FIP1L1: variants seen among roughly 807,000 people sequenced by gnomAD.
FIP1L1 encodes factor interacting with PAPOLA and CPSF1.
A neutral mutation model predicts 84.6 loss-of-function variants in FIP1L1; 21 were observed. That is an observed-to-expected ratio of 0.25 (90% confidence interval 0.18 to 0.36). FIP1L1 has a LOEUF of 0.36. Ranked by LOEUF, FIP1L1 falls within the 10% of genes least tolerant of loss-of-function variation. The probability of loss-of-function intolerance (pLI) is 1.00; values close to 1 mark genes in which losing one functional copy is unlikely to be tolerated. For synonymous variants in FIP1L1, 263 were observed against 242.3 expected (o/e 1.09, Z -0.80); for missense variants, 526 against 751.1 (o/e 0.70, Z 3.50).
chr4:53,396,820 G>A (rs142140602), intron 9 of FIP1L1, among the ~76,000 whole-genome samples: 28 of 151,614 alleles, frequency 1.8e-4, no homozygotes, highest in Admixed American at 1.8e-3. Context: ...CAATTAATAG[G>A]CTTTCTTAGT....
At position 53,390,677 on chromosome 4, in the gene FIP1L1, C is replaced by G. The variant is rs77155086; in HGVS notation, c.505+49C>G. 2,224 of 1,310,512 alleles carry G rather than the reference C, an allele frequency of 1.7e-3. 26 individuals are homozygous for G. The African/African-American group carries it at 0.029, about 17-fold the overall frequency. 81.2% of individuals were successfully genotyped at this position (1,310,512 alleles called of 1,614,324 possible). On this transcript the variant is annotated intron_variant, in intron 7 of 17. Transcript: ENST00000337488. ...AATTTCAATATTTTCAGTGTGAAGTCATCAGAAAATTTTTTTGAACATCAA... is the reference window on the plus strand; with the variant it reads ...AATTTCAATATTTTCAGTGTGAAGTGATCAGAAAATTTTTTTGAACATCAA...
intron 3 of FIP1L1, among the ~76,000 whole-genome samples, chr4:53,380,724 T>C (rs189355238): frequency 3.4e-4 from 52 of 152,344 alleles, no homozygotes; most frequent in Non-Finnish European, 6.9e-4. Flanking sequence ...TTTTAAAATT[T>C]ATATATTCAA....
chr4:53,403,537 T>A (rs1661227198), intron 10 of FIP1L1, among the ~76,000 whole-genome samples: 1 of 152,228 alleles, frequency 6.6e-6, no homozygotes, highest in South Asian at 2.1e-4. Flanking sequence ...AATCCGTGCT[T>A]CGGATTTGAC....
intron 11 of FIP1L1, among the ~76,000 whole-genome samples, chr4:53,422,913 G>T (rs148415347): frequency 6.6e-6 from 1 of 151,922 alleles, no homozygotes; most frequent in Non-Finnish European, 1.5e-5. Flanking sequence ...ACAAAGTCTC[G>T]CCATGTTGCC....
chr4:53,403,099 T>C (rs6821777), intron 10 of FIP1L1, among the ~76,000 whole-genome samples: 148,757 of 152,274 alleles, frequency 0.98, 72,763 homozygotes, highest in Middle Eastern at 1. Flanking sequence ...TTTTTTGGAG[T>C]TCTGTGAATA....
At chr4:53,437,263 A>T (rs1769680722) in intron 13 of FIP1L1, among the ~76,000 whole-genome samples, 1 of 135,746 alleles carries the variant, frequency 7.4e-6, no homozygotes, top group Admixed American at 8.3e-5. Context: ...GGGGAGGCAG[A>T]GGTTGCAGTG....
chr4:53,420,261 TA>T (rs1156771306), intron 11 of FIP1L1, among the ~76,000 whole-genome samples: 32 of 91,292 alleles, frequency 3.5e-4, no homozygotes, highest in African/African-American at 5.5e-4. Flanking sequence ...CTGTCTCTAC[TA>T]AAAAAAAAAT....
At chr4:53,412,422 TGTCACGC>T (rs1299700632) in intron 10 of FIP1L1, among the ~76,000 whole-genome samples, 1 of 152,128 alleles carries the variant, frequency 6.6e-6, no homozygotes, top group African/African-American at 2.4e-5. Flanking sequence ...CTTAATCCAG[TGTCACGC>T]GTTAAATTTA....
Position 53,389,867 on chromosome 4 carries a change from A to G in FIP1L1, c.391A>G (p.Thr131Ala). 2 of 1,601,750 alleles carry G rather than the reference A, an allele frequency of 1.2e-6. No homozygotes were observed. Among genetic ancestry groups the G allele is most frequent in the South Asian group, 1.1e-5 (1 of 88,214 alleles). ...NIKTGGRVYG[T>A]TGTKVKGVDL... ...CAAGACAGGGGGAAGAGTTTATGGA[A>G]CTACAGGTAAAATTTGTATTTTCTG... The change falls in exon 6 of 18, where the codon ACT becomes GCT. Residue 131 changes from threonine (T) to alanine (A), a missense_variant. This residue lies in a region of FIP1L1 where 169 missense variants were observed against 206.9 expected (regional missense o/e 0.82). Transcript: ENST00000337488.
At chr4:53,453,476 A>G (rs1221211301) in intron 16 of FIP1L1, among the ~76,000 whole-genome samples, 1 of 152,122 alleles carries the variant, frequency 6.6e-6, no homozygotes, top group Middle Eastern at 3.2e-3. Context: ...CACCACTTCT[A>G]TTATTATTCT....
chr4:53,382,217 A>C (rs1452779297), intron 3 of FIP1L1, 61 bp from the exon 4 acceptor site: 7 of 1,164,292 alleles, frequency 6.0e-6, no homozygotes, highest in Non-Finnish European at 9.0e-6. Flanking sequence ...ATACTAATAT[A>C]ATCTATCTGT....
chr4:53,449,084 C>T (rs1187108387), intron 15 of FIP1L1, among the ~76,000 whole-genome samples: 2 of 151,608 alleles, frequency 1.3e-5, no homozygotes, highest in Admixed American at 6.6e-5. Flanking sequence ...TTTTCAGATC[C>T]TTGTTTGTCC....
intron 16 of FIP1L1, among the ~76,000 whole-genome samples, chr4:53,455,082 T>C (rs1301951362): frequency 6.6e-6 from 1 of 152,174 alleles, no homozygotes; most frequent in Non-Finnish European, 1.5e-5. Context: ...CCCTCACCTA[T>C]CTCTGTCTTC....
intron 15 of FIP1L1, among the ~76,000 whole-genome samples, chr4:53,445,856 C>G (rs1376356820): frequency 6.6e-6 from 1 of 152,162 alleles, no homozygotes; most frequent in East Asian, 1.9e-4. Flanking sequence ...CTACCTTCAG[C>G]TCAAAATAAT....
chr4:53,458,881 ATGAACCAGTCTT>A, intron 17 of FIP1L1, 91 bp downstream of exon 17: 1 of 1,416,514 alleles, frequency 7.1e-7, no homozygotes, highest in South Asian at 1.5e-5. Context: ...ATTTTGGCCT[ATGAACCAGTCTT>A]GCTTGGTTTC....
At position 53,384,356 on chromosome 4, in the gene FIP1L1, C is replaced by T. The variant is rs1311046241; in HGVS notation, c.332+480C>T. Among the ~76,000 whole-genome samples the T allele has an allele frequency of 2.0e-5, 3 of 151,946 alleles. No individual in the cohort carries two copies. In the South Asian group the frequency reaches 6.2e-4, roughly 32 times the overall value. ...CCTGGGAGGTGGAGGTTGCGGTGAA[C>T]CCAGATCGAGCCACTGTACTCCAGC... On this transcript the variant is annotated intron_variant, in intron 5 of 17. Coordinates refer to ENST00000337488, the MANE Select transcript of FIP1L1 (RefSeq NM_030917.4).
chr4:53,452,075 G>A (rs2150380676), intron 15 of FIP1L1, among the ~76,000 whole-genome samples: 2 of 151,942 alleles, frequency 1.3e-5, no homozygotes, highest in East Asian at 3.9e-4. Flanking sequence ...GTAGAGACAG[G>A]GTTTCACCAT....
intron 13 of FIP1L1, among the ~76,000 whole-genome samples, chr4:53,432,346 C>T (rs560307719): frequency 8.3e-5 from 11 of 131,914 alleles, no homozygotes; most frequent in African/African-American, 2.0e-4. Context: ...TGCAGTGAGC[C>T]GAGATCACAC....
intron 16 of FIP1L1, among the ~76,000 whole-genome samples, chr4:53,454,547 C>T (rs1310396093): frequency 2.0e-5 from 3 of 152,154 alleles, no homozygotes; most frequent in Non-Finnish European, 4.4e-5. Context: ...TAGGAAAAAA[C>T]AGAGTTTGTT....
Sources: gnomAD v4.1 joint callset for allele counts (sites outside exome capture counted in the v4.1 genomes callset) on GRCh38, gnomAD v4.1.1 for gene constraint, gnomAD v4.1.1 regional missense constraint, MANE v1.5 for transcripts, NCBI Gene and HGNC (gene_info 2026-07-23, HGNC 2026-07-21) for gene names.